The following PRKN variants were observed in gnomAD, a reference collection of about 807,000 sequenced individuals.
PRKN encodes the protein parkin RBR E3 ubiquitin protein ligase, also known as E3 ubiquitin-protein ligase parkin.
PRKN carries 56 observed loss-of-function variants against 59.5 expected under a neutral mutation model. The ratio of observed to expected loss-of-function variants is 0.94; its 90% CI spans 0.76 to 1.18. PRKN has a LOEUF of 1.18. PRKN is among the 50% of genes most tolerant of loss of function. The pLI is 0.00. For missense variants in PRKN, 657 were observed against 596.4 expected (o/e 1.10, Z -1.06); for synonymous variants, 250 against 222.1 (o/e 1.13, Z -1.12).
chr6:162,492,415 C>T (rs1430145200), intron 1 of PRKN, among the ~76,000 whole-genome samples: 1 of 152,204 alleles, frequency 6.6e-6, no homozygotes, highest in Non-Finnish European at 1.5e-5. Context: ...AGCCACCTCT[C>T]TTGTCTCACA....
At chr6:161,785,357 T>G (rs1487689552) in intron 7 of PRKN, among the ~76,000 whole-genome samples, 1 of 152,248 alleles carries the variant, frequency 6.6e-6, no homozygotes, top group Non-Finnish European at 1.5e-5. Flanking sequence ...CTCATTCTGC[T>G]TTCTTTTTCA....
intron 2 of PRKN, among the ~76,000 whole-genome samples, chr6:162,409,639 A>G: frequency 6.6e-6 from 1 of 152,222 alleles, no homozygotes; most frequent in East Asian, 1.9e-4. Context: ...TATTTTATCA[A>G]GCATATAATT....
rs1003849899 is a variant in PRKN at position 161,725,990 on chromosome 6, A to G, written c.871+59782T>C. On this transcript the variant is annotated intron_variant, in intron 7 of 11. Coordinates refer to ENST00000366898, the MANE Select transcript of PRKN (RefSeq NM_004562.3). Reference sequence around the variant, plus strand: ...TCCCACATTTATTTCAGCACATTCAATGACCATTATACCAGGAGAAGGCAG... The same window carrying G: ...TCCCACATTTATTTCAGCACATTCAGTGACCATTATACCAGGAGAAGGCAG... Among the ~76,000 whole-genome samples the G allele has an allele frequency of 2.6e-5, 4 of 152,158 alleles. No individual in the cohort carries two copies. The East Asian group carries it at 7.7e-4, about 29-fold the overall frequency.
At position 161,398,347 on chromosome 6, in the gene PRKN, G is replaced by C. The variant is rs1012300618; in HGVS notation, c.1084-11470C>G. ...ATAACTAAATTCACATCACAGCACT[G>C]GCTCTAGTTAGTTCCCTAGAATGTG... is the stretch of plus-strand genomic sequence containing the variant. On this transcript the variant is annotated intron_variant, in intron 9 of 11. Coordinates refer to ENST00000366898, the MANE Select transcript of PRKN (RefSeq NM_004562.3). 2.0e-5 allele frequency among the ~76,000 whole-genome samples: 3 copies of C among 152,068 alleles called. No homozygotes were observed. In the East Asian group the frequency reaches 5.8e-4, roughly 29 times the overall value.
intron 5 of PRKN, among the ~76,000 whole-genome samples, chr6:162,016,805 G>A (rs771940702): frequency 1.1e-4 from 16 of 152,094 alleles, no homozygotes; most frequent in Non-Finnish European, 1.8e-4. Context: ...GGATCCTGGC[G>A]ATAAAGCAGC....
intron 1 of PRKN, among the ~76,000 whole-genome samples, chr6:162,557,118 C>G (rs1006477328): frequency 1.3e-5 from 2 of 152,332 alleles, no homozygotes; most frequent in Admixed American, 6.5e-5. Flanking sequence ...CAACAGAAAG[C>G]TGAACAATTC....
At chr6:162,024,919 TAA>T (rs1457112440) in intron 5 of PRKN, among the ~76,000 whole-genome samples, 1 of 151,988 alleles carries the variant, frequency 6.6e-6, no homozygotes, top group African/African-American at 2.4e-5. Flanking sequence ...GTGCACCAAA[TAA>T]GTCTTTTTTT....
rs777057097 is a variant in PRKN, at chr6:161,593,877, C to T, written c.872-24461G>A. Among the ~76,000 whole-genome samples the T allele has an allele frequency of 6.6e-6, 1 of 151,840 alleles. No individual in the cohort carries two copies. The highest frequency in any genetic ancestry group is 1.5e-5 in the Non-Finnish European group (1 of 67,976). On this transcript the variant is annotated intron_variant, in intron 7 of 11. Coordinates refer to ENST00000366898, the MANE Select transcript of PRKN (RefSeq NM_004562.3). The surrounding 1 kb of genome is among the most constrained non-coding windows in gnomAD (Gnocchi z 4.8). The stretch of plus-strand genomic sequence containing the variant: ...ATAGAATTGACTGCTGGAGGCCGGG[C>T]GCAGTGGCTCATGCCTGTAATCCCA...
At chr6:162,683,874 C>T (rs1006618101) in intron 1 of PRKN, among the ~76,000 whole-genome samples, 4 of 152,036 alleles carry the variant, frequency 2.6e-5, no homozygotes, top group Admixed American at 2.0e-4. Context: ...ATTTGAAAAA[C>T]TAGCTCTTCA....
intron 7 of PRKN, among the ~76,000 whole-genome samples, chr6:161,638,978 G>C (rs1002780878): frequency 1.3e-5 from 2 of 152,028 alleles, no homozygotes; most frequent in Non-Finnish European, 2.9e-5. Flanking sequence ...CTGACCTCAG[G>C]TAATCCACCT....
chr6:162,041,705 C>T (rs1784074901), intron 5 of PRKN, among the ~76,000 whole-genome samples: 1 of 152,204 alleles, frequency 6.6e-6, no homozygotes, highest in African/African-American at 2.4e-5. Context: ...TATATCATTG[C>T]ATGGCTTCTA....
In PRKN at chr6:161,399,046, A is replaced by C. The variant is rs140102951; in HGVS notation, c.1084-12169T>G. ...TCCAAACCCCAGGCTCCATGAGCAG[A>C]AGAGCAGCAGAGGAGAGAAGAGAAG... On this transcript the variant is annotated intron_variant, in intron 9 of 11. Coordinates refer to ENST00000366898, the MANE Select transcript of PRKN (RefSeq NM_004562.3). This position sits in a 1 kb window ranked among gnomAD's most constrained non-coding sequence, Gnocchi z 4.4. Among the ~76,000 whole-genome samples, 26 of 152,270 alleles carry C rather than the reference A, an allele frequency of 1.7e-4. No homozygotes were observed. Among genetic ancestry groups the C allele is most frequent in the Non-Finnish European group, 3.5e-4 (24 of 68,010 alleles).
At position 162,056,475 on chromosome 6, in the gene PRKN, G is replaced by A. The variant is rs192322804; in HGVS notation, c.535-2301C>T. 6.6e-6 allele frequency among the ~76,000 whole-genome samples: 1 copy of A among 152,144 alleles called. No individual in the cohort carries two copies. Among genetic ancestry groups the A allele is most frequent in the Non-Finnish European group, 1.5e-5 (1 of 68,020 alleles). On this transcript the variant is annotated intron_variant, in intron 4 of 11. Transcript: ENST00000366898. The surrounding 1 kb of genome is among the most constrained non-coding windows in gnomAD (Gnocchi z 4.9). ...CTGAAAGAGACTGAGCCTTTTGACG[G>A]AGGCTCTTTACCCCAGACTTCAAAA...
intron 1 of PRKN, among the ~76,000 whole-genome samples, chr6:162,508,653 G>A (rs1793707369): frequency 1.3e-5 from 2 of 152,118 alleles, no homozygotes. Context: ...AGGCCCCAGG[G>A]TTAGGGGCTC....
intron 7 of PRKN, among the ~76,000 whole-genome samples, chr6:161,748,405 C>A (rs1244305417): frequency 1.3e-5 from 2 of 151,070 alleles, no homozygotes; most frequent in African/African-American, 4.9e-5. Flanking sequence ...GAAACTCAGA[C>A]TATAAACTGC....
intron 2 of PRKN, among the ~76,000 whole-genome samples, chr6:162,397,423 T>A (rs985177883): frequency 6.6e-6 from 1 of 152,136 alleles, no homozygotes; most frequent in Admixed American, 6.6e-5. Context: ...GCTGGATTTC[T>A]GCTTCTTGTA....
At chr6:162,339,244 G>A (rs1323287444) in intron 2 of PRKN, among the ~76,000 whole-genome samples, 1 of 135,880 alleles carries the variant, frequency 7.4e-6, no homozygotes, top group African/African-American at 2.7e-5. Context: ...GGGAGGTGGT[G>A]GGGGTCAGCC....
At chr6:161,881,416 G>A (rs760240314) in intron 6 of PRKN, among the ~76,000 whole-genome samples, 5 of 152,148 alleles carry the variant, frequency 3.3e-5, no homozygotes, top group Non-Finnish European at 5.9e-5. Flanking sequence ...GGACCTGTCC[G>A]GTGAGTGCAG....
intron 4 of PRKN, among the ~76,000 whole-genome samples, chr6:162,148,379 GA>G (rs60226088): frequency 6.6e-6 from 1 of 150,718 alleles, no homozygotes; most frequent in Non-Finnish European, 1.5e-5. Flanking sequence ...CTAAGAGCTT[GA>G]AAAAAAAAGA....
Sources: allele counts gnomAD v4.1 joint callset (sites outside exome capture counted in the v4.1 genomes callset), GRCh38; gene constraint gnomAD v4.1.1; non-coding constraint Gnocchi (gnomAD v3.1); transcripts MANE v1.5; gene names NCBI Gene and HGNC (gene_info 2026-07-23, HGNC 2026-07-21).